CADM2: variants seen among roughly 807,000 people sequenced by gnomAD.
CADM2 encodes cell adhesion molecule 2.
Under a neutral mutation model 49.8 loss-of-function variants are expected in CADM2, and 12 were observed. The observed-to-expected ratio is 0.24, with a 90% confidence interval of 0.15 to 0.39. The LOEUF is 0.39. CADM2 is among the 10% of genes least tolerant of loss of function. The pLI is 1.00. For missense variants in CADM2, 378 were observed against 492.3 expected (o/e 0.77, Z 2.20); for synonymous variants, 214 against 175.4 (o/e 1.22, Z -1.74).
chr3:85,481,940 A>G (rs909256652), intron 1 of CADM2, among the ~76,000 whole-genome samples: 1 of 151,734 alleles, frequency 6.6e-6, no homozygotes, highest in Non-Finnish European at 1.5e-5. Flanking sequence ...AGAAATGAAA[A>G]TACAAAATAA....
intron 6 of CADM2, among the ~76,000 whole-genome samples, chr3:85,928,182 T>C (rs1458505052): frequency 1.4e-5 from 2 of 146,820 alleles, no homozygotes; most frequent in Non-Finnish European, 3.0e-5. Context: ...TTTTTTGAAA[T>C]GGAGTCTTGC....
At chr3:85,674,425 A>AAT (rs779417399) in intron 1 of CADM2, among the ~76,000 whole-genome samples, 6 of 152,164 alleles carry the variant, frequency 3.9e-5, no homozygotes, top group Non-Finnish European at 8.8e-5. Context: ...CAATTGGCTA[A>AAT]ATAGAAACCT....
At chr3:86,054,339 A>T (rs1737671917) in intron 8 of CADM2, among the ~76,000 whole-genome samples, 1 of 152,124 alleles carries the variant, frequency 6.6e-6, no homozygotes, top group South Asian at 2.1e-4. Context: ...CCAAAAATAT[A>T]TAACAGAATT....
intron 1 of CADM2, among the ~76,000 whole-genome samples, chr3:85,442,588 G>GTATATATATATATA (rs55882841): frequency 1.7e-5 from 2 of 120,932 alleles, no homozygotes; most frequent in African/African-American, 4.5e-5. Flanking sequence ...TTATATATGA[G>GTATATATATATATA]TATATATATA....
At chr3:85,111,575 C>G (rs1470196917) in intron 1 of CADM2, among the ~76,000 whole-genome samples, 1 of 151,772 alleles carries the variant, frequency 6.6e-6, no homozygotes, top group Non-Finnish European at 1.5e-5. Context: ...ATCAATTGAA[C>G]TCACAGACAG....
chr3:85,242,435 C>T (rs1225169875), intron 1 of CADM2, among the ~76,000 whole-genome samples: 1 of 151,312 alleles, frequency 6.6e-6, no homozygotes, highest in African/African-American at 2.4e-5. Flanking sequence ...CTACATTTTG[C>T]CTTTATAGGA....
intron 1 of CADM2, among the ~76,000 whole-genome samples, chr3:85,117,468 A>G (rs1329419095): frequency 6.6e-6 from 1 of 152,202 alleles, no homozygotes; most frequent in Non-Finnish European, 1.5e-5. Flanking sequence ...GAGCAATGTC[A>G]TGAGCCATCA....
intron 1 of CADM2, among the ~76,000 whole-genome samples, chr3:85,301,832 A>G (rs2106994329): frequency 6.6e-6 from 1 of 152,184 alleles, no homozygotes; most frequent in Admixed American, 6.6e-5. Flanking sequence ...CCTGACACCC[A>G]TATTAAAAAT....
intron 7 of CADM2, among the ~76,000 whole-genome samples, chr3:85,938,467 A>G (rs1721446604): frequency 6.6e-6 from 1 of 152,094 alleles, no homozygotes; most frequent in Non-Finnish European, 1.5e-5. Context: ...GGGATGAGAA[A>G]AAATTCTGTC....
intron 8 of CADM2, among the ~76,000 whole-genome samples, chr3:85,997,921 G>C (rs9824085): frequency 0.63 from 95,685 of 151,966 alleles, 30,504 homozygotes; most frequent in African/African-American, 0.72. Context: ...CTGAGAAGAA[G>C]AAATGTATCA....
intron 1 of CADM2, among the ~76,000 whole-genome samples, chr3:85,213,170 A>G (rs930645358): frequency 3.3e-5 from 5 of 152,064 alleles, no homozygotes; most frequent in Admixed American, 2.0e-4. Context: ...GGTGTGAACC[A>G]CCGTGCCTGG....
At chr3:85,202,669 G>A (rs1247849749) in intron 1 of CADM2, among the ~76,000 whole-genome samples, 1 of 152,128 alleles carries the variant, frequency 6.6e-6, no homozygotes, top group Admixed American at 6.5e-5. Context: ...TCCACTTAAA[G>A]TCACCAGCTA....
chr3:85,264,461 A>G (rs922390209), intron 1 of CADM2, among the ~76,000 whole-genome samples: 1 of 152,084 alleles, frequency 6.6e-6, no homozygotes, highest in Non-Finnish European at 1.5e-5. Context: ...TATCATATCA[A>G]CAGTAAAATT....
chr3:85,742,992 G>A (rs1559626812), intron 2 of CADM2, among the ~76,000 whole-genome samples: 1 of 151,944 alleles, frequency 6.6e-6, no homozygotes, highest in Non-Finnish European at 1.5e-5. Flanking sequence ...CTTTTTCTGA[G>A]TCTACCGATT....
At chr3:85,915,544 A>G (rs1421798697) in intron 6 of CADM2, among the ~76,000 whole-genome samples, 1 of 152,116 alleles carries the variant, frequency 6.6e-6, no homozygotes, top group East Asian at 1.9e-4. Flanking sequence ...AATTGGTGTG[A>G]TTTTCATAAA....
chr3:85,372,387 A>G (rs926766943), intron 1 of CADM2, among the ~76,000 whole-genome samples: 2 of 148,540 alleles, frequency 1.3e-5, no homozygotes, highest in African/African-American at 2.5e-5. Context: ...GTGTGTGTAT[A>G]TATAGATATA....
At chr3:85,056,929 T>C (rs950097382) in intron 1 of CADM2, among the ~76,000 whole-genome samples, 1 of 152,104 alleles carries the variant, frequency 6.6e-6, no homozygotes, top group Non-Finnish European at 1.5e-5. Flanking sequence ...ATACTCATGC[T>C]CAGGCCCTAC....
intron 2 of CADM2, among the ~76,000 whole-genome samples, chr3:85,773,460 A>G (rs1293508313): frequency 1.3e-5 from 2 of 152,048 alleles, no homozygotes; most frequent in African/African-American, 2.4e-5. Context: ...AAAAACATCT[A>G]TATCCCCAAA....
chr3:85,098,074 G>T (rs867069918), intron 1 of CADM2, among the ~76,000 whole-genome samples: 14 of 152,262 alleles, frequency 9.2e-5, no homozygotes, highest in Middle Eastern at 3.4e-3. Flanking sequence ...TATAAGGATT[G>T]ATATGGCAGA....
Sources: allele counts gnomAD v4.1 joint callset (sites outside exome capture counted in the v4.1 genomes callset), GRCh38; gene constraint gnomAD v4.1.1; transcripts MANE v1.5; gene names NCBI Gene and HGNC (gene_info 2026-07-23, HGNC 2026-07-21).